The following UGP2 variants were observed in gnomAD, a reference collection of about 807,000 sequenced individuals.
UGP2 encodes UTP--glucose-1-phosphate uridylyltransferase.
A neutral mutation model predicts 49.0 loss-of-function variants in UGP2; 40 were observed. The observed-to-expected ratio is 0.82, with a 90% confidence interval of 0.63 to 1.06. UGP2 has a LOEUF of 1.06. UGP2 is among the 50% of genes least tolerant of loss of function. The pLI is 0.00. For synonymous variants in UGP2, 225 were observed against 213.0 expected, an observed-to-expected ratio of 1.06 and a Z score of -0.49; for missense variants, 460 against 603.5, an observed-to-expected ratio of 0.76 and a Z score of 2.49.
intron 1 of UGP2, among the ~76,000 whole-genome samples, chr2:63,851,773 C>G (rs936514836): frequency 2.6e-5 from 4 of 152,048 alleles, no homozygotes; most frequent in Non-Finnish European, 4.4e-5. Flanking sequence ...GTCTTTTTAT[C>G]CCATAAATCC....
At chr2:63,854,948 A>G (rs533990184) in intron 1 of UGP2, 2 of 152,466 alleles carry the variant, frequency 1.3e-5, no homozygotes, top group East Asian at 1.9e-4. Context: ...TGAGTCTTTC[A>G]GCCAGCCTTT....
At chr2:63,875,243 C>T (rs1440394876) in intron 3 of UGP2, among the ~76,000 whole-genome samples, 3 of 152,132 alleles carry the variant, frequency 2.0e-5, no homozygotes, top group Non-Finnish European at 4.4e-5. Flanking sequence ...ATTCCTAATT[C>T]GTTAACTGTT....
intron 1 of UGP2, among the ~76,000 whole-genome samples, chr2:63,854,332 C>A (rs7590399): frequency 0.83 from 126,120 of 152,234 alleles, 52,378 homozygotes; most frequent in East Asian, 0.91. Context: ...TATTGCTAGG[C>A]AATAGGGACA....
chr2:63,844,800 G>C lies in UGP2; in HGVS notation c.19+2596G>C, dbSNP rs147249969. ...TGGTCTCAAACTCCTGGTCTTAAGCGATCTTCTAGCCTCAGCCTCCCAGAG... is the reference window on the plus strand; with the variant it reads ...TGGTCTCAAACTCCTGGTCTTAAGCCATCTTCTAGCCTCAGCCTCCCAGAG... On this transcript the variant is annotated intron_variant, in intron 1 of 9. Coordinates refer to ENST00000337130, the MANE Select transcript of UGP2 (RefSeq NM_006759.4). Among the ~76,000 whole-genome samples, 253 of 152,228 alleles carry C rather than the reference G, an allele frequency of 1.7e-3. 1 individual carries two copies. Among genetic ancestry groups the C allele is most frequent in the Non-Finnish European group, 2.8e-3 (190 of 67,996 alleles).
chr2:63,843,600 T>A (rs1045861759), intron 1 of UGP2, among the ~76,000 whole-genome samples: 11 of 152,244 alleles, frequency 7.2e-5, no homozygotes, highest in Non-Finnish European at 1.3e-4. Context: ...TTGACTGATT[T>A]CACAGCCTTT....
chr2:63,842,527 G>A (rs1214265490), intron 1 of UGP2: 8 of 1,533,642 alleles, frequency 5.2e-6, no homozygotes, highest in African/African-American at 2.7e-5. Flanking sequence ...TCTTTTCCTG[G>A]TCTGTGTCAA....
intron 1 of UGP2, among the ~76,000 whole-genome samples, chr2:63,849,162 A>G (rs1218916175): frequency 6.6e-6 from 1 of 152,252 alleles, no homozygotes; most frequent in Non-Finnish European, 1.5e-5. Flanking sequence ...ACAAACAAAA[A>G]GCCATTAATT....
At chr2:63,888,453 ACT>A (rs1467296513) in intron 8 of UGP2, 1 of 152,168 alleles carries the variant, frequency 6.6e-6, no homozygotes, top group Non-Finnish European at 1.5e-5. Context: ...CTAATATTAA[ACT>A]CTGAAATAAA....
chr2:63,872,790 C>CA (rs547283279), intron 3 of UGP2, among the ~76,000 whole-genome samples: 1,324 of 112,464 alleles, frequency 0.012, 17 homozygotes, highest in East Asian at 0.058. Flanking sequence ...CCAGTGCCCT[C>CA]AAAAAAAAAA....
At position 63,858,510 on chromosome 2, in the gene UGP2, A is replaced by G. The variant is rs1238994130; in HGVS notation, c.255+574A>G. Among the ~76,000 whole-genome samples, 3 of 152,054 alleles carry G rather than the reference A, an allele frequency of 2.0e-5. No individual in the cohort carries two copies. In the East Asian group the frequency reaches 5.8e-4, roughly 29 times the overall value. On this transcript the variant is annotated intron_variant, in intron 3 of 9. Transcript: ENST00000337130. ...GTTCTTAATGTTTTAAAAACTATAC[A>G]TAACATTCTCACTATAAAAAAAAAA...
chr2:63,851,123 A>G (rs1490306342), intron 1 of UGP2, among the ~76,000 whole-genome samples: 1 of 152,196 alleles, frequency 6.6e-6, no homozygotes, highest in African/African-American at 2.4e-5. Flanking sequence ...GATTTCTAGG[A>G]GGATAATCTC....
intron 2 of UGP2, 127 bp from the exon 3 acceptor site, chr2:63,857,702 C>T: frequency 1.0e-6 from 1 of 1,000,930 alleles, no homozygotes. Flanking sequence ...GTCTTGCTCC[C>T]TCCATGTCCT....
chr2:63,856,942 T>G, intron 2 of UGP2: 1 of 398,690 alleles, frequency 2.5e-6, no homozygotes. Context: ...TAGCTGTGTT[T>G]TATTTCTTTT....
chr2:63,877,880 C>T (rs1439119132), intron 3 of UGP2, among the ~76,000 whole-genome samples: 2 of 151,032 alleles, frequency 1.3e-5, no homozygotes, highest in African/African-American at 4.9e-5. Context: ...GTAGTCCCAG[C>T]TACTCGGGAG....
rs775023370 is a variant in UGP2, at chr2:63,856,317, G to A, written c.31G>A (p.Ala11Thr). 1.6e-5 allele frequency: 25 copies of A among 1,612,724 alleles called. No individual in the cohort carries two copies. The highest frequency in any genetic ancestry group is 5.0e-5 in the Admixed American group (3 of 59,626). Residue 11 changes from alanine (A) to threonine (T), a missense_variant, in exon 2 of 10, where the codon GCA becomes ACA. Physicochemically the swap from Ala to Thr is moderately conservative, Grantham distance 58. Coordinates refer to ENST00000337130, the MANE Select transcript of UGP2 (RefSeq NM_006759.4). MSRFVQDLSK[A>T]MSQDGASQFQ... ...GTTTTTGTTTTAAGATCTTAGCAAA[G>A]CAATGTCTCAAGATGGTGCTTCTCA... is the stretch of plus-strand genomic sequence containing the variant.
chr2:63,857,120 C>T (rs1312660155), intron 2 of UGP2, among the ~76,000 whole-genome samples: 3 of 151,824 alleles, frequency 2.0e-5, no homozygotes, highest in Non-Finnish European at 4.4e-5. Context: ...GGCAACATGG[C>T]GAAACCCTGT....
At chr2:63,859,903 C>T (rs1437628289) in intron 3 of UGP2, among the ~76,000 whole-genome samples, 1 of 152,134 alleles carries the variant, frequency 6.6e-6, no homozygotes, top group Non-Finnish European at 1.5e-5. Flanking sequence ...TTCTTGAGGG[C>T]ACAAATGTGT....
At chr2:63,860,728 A>G (rs1191489025) in intron 3 of UGP2, among the ~76,000 whole-genome samples, 3 of 150,190 alleles carry the variant, frequency 2.0e-5, no homozygotes, top group Non-Finnish European at 4.4e-5. Flanking sequence ...CTGAGTAGGC[A>G]GGACTACAGG....
intron 3 of UGP2, among the ~76,000 whole-genome samples, chr2:63,860,761 A>G (rs953577780): frequency 7.3e-6 from 1 of 137,390 alleles, no homozygotes; most frequent in Admixed American, 7.4e-5. Context: ...AGGCCCAGCT[A>G]ATTTTTTTTT....
Sources: gnomAD v4.1 joint callset for allele counts (sites outside exome capture counted in the v4.1 genomes callset) on GRCh38, gnomAD v4.1.1 for gene constraint, MANE v1.5 for transcripts, NCBI Gene and HGNC (gene_info 2026-07-23, HGNC 2026-07-21) for gene names.